Variants in ZSWIM6 observed in about 807,000 individuals in gnomAD.
ZSWIM6 encodes zinc finger SWIM domain-containing protein 6.
In ZSWIM6, 9 loss-of-function variants were observed where a neutral mutation model predicts 113.2. The ratio of observed to expected loss-of-function variants is 0.08; its 90% confidence interval spans 0.05 to 0.14. The LOEUF (loss-of-function observed/expected upper bound fraction) is 0.14. Ranked by LOEUF, ZSWIM6 falls within the 10% of genes least tolerant of loss-of-function variation. The pLI is 1.00. For synonymous variants in ZSWIM6, 611 were observed against 606.5 expected, an observed-to-expected ratio of 1.01 and a Z score of -0.11; for missense variants, 1,162 against 1,552.2, an observed-to-expected ratio of 0.75 and a Z score of 4.22.
rs957926510 is a variant in ZSWIM6 at position 61,531,406 on chromosome 5, T to G, written c.1985-59T>G. ...ACGGGGAAGTATAAATATTTGTACT[T>G]ATCATATCATCTGCAAAAGTAGTTT... On this transcript the variant is annotated intron_variant, in intron 8 of 13. Coordinates refer to ENST00000252744, the MANE Select transcript of ZSWIM6 (RefSeq NM_020928.2). 7 of 1,504,496 alleles carry G rather than the reference T, an allele frequency of 4.7e-6. No individual in the cohort carries two copies. The African/African-American group carries it at 9.7e-5, about 21-fold the overall frequency. The allele number at this position is 1,504,496 out of a possible 1,614,324, so 93.2% of individuals were successfully genotyped here.
At chr5:61,410,272 G>A (rs1053170496) in intron 1 of ZSWIM6, among the ~76,000 whole-genome samples, 6 of 150,942 alleles carry the variant, frequency 4.0e-5, no homozygotes, top group Admixed American at 2.0e-4. Flanking sequence ...TAAGTGTTCT[G>A]AGTTTGTGAA....
At chr5:61,400,378 T>G (rs1745921411) in intron 1 of ZSWIM6, among the ~76,000 whole-genome samples, 1 of 152,214 alleles carries the variant, frequency 6.6e-6, no homozygotes, top group African/African-American at 2.4e-5. Flanking sequence ...TGTTCCAGTT[T>G]TTCATTGCCA....
At chr5:61,425,104 A>C (rs1746438803) in intron 1 of ZSWIM6, among the ~76,000 whole-genome samples, 1 of 152,166 alleles carries the variant, frequency 6.6e-6, no homozygotes, top group Admixed American at 6.5e-5. Context: ...ATATTAGGGA[A>C]TATCTGGGAA....
chr5:61,465,279 AG>A (rs1486990129), intron 1 of ZSWIM6, among the ~76,000 whole-genome samples: 1 of 152,178 alleles, frequency 6.6e-6, no homozygotes, highest in Non-Finnish European at 1.5e-5. Flanking sequence ...CCAGAATTTG[AG>A]GCTAGACAAT....
intron 1 of ZSWIM6, among the ~76,000 whole-genome samples, chr5:61,397,615 A>AT (rs1294706167): frequency 6.6e-6 from 1 of 152,216 alleles, no homozygotes; most frequent in African/African-American, 2.4e-5. Context: ...GAATTCCAAA[A>AT]GTAGCACACA....
At chr5:61,511,472 T>A (rs1748786160) in intron 4 of ZSWIM6, among the ~76,000 whole-genome samples, 1 of 152,120 alleles carries the variant, frequency 6.6e-6, no homozygotes, top group Non-Finnish European at 1.5e-5. Flanking sequence ...CCTCCCCAAA[T>A]TTTTTATGTT....
intron 1 of ZSWIM6, among the ~76,000 whole-genome samples, chr5:61,437,717 C>CAAAAAAAAAAAAAAAAAAA (rs1177075747): frequency 1.8e-5 from 1 of 56,868 alleles, no homozygotes. Flanking sequence ...ACCCTTTCTC[C>CAAAAAAAAAAAAAAAAAAA]AAAAAAAAAA....
intron 1 of ZSWIM6, chr5:61,375,926 C>A: frequency 1.4e-6 from 1 of 692,694 alleles, no homozygotes; most frequent in Non-Finnish European, 2.4e-6. Flanking sequence ...GTGAAAACTA[C>A]AACATATTTA....
At chr5:61,482,222 G>A (rs188973259) in intron 2 of ZSWIM6, among the ~76,000 whole-genome samples, 162 of 152,240 alleles carry the variant, frequency 1.1e-3, no homozygotes, top group African/African-American at 1.9e-3. Context: ...AGACATGTTA[G>A]GATTTAAATA....
At chr5:61,503,475 C>CAG (rs1748527643) in intron 4 of ZSWIM6, among the ~76,000 whole-genome samples, 1 of 152,168 alleles carries the variant, frequency 6.6e-6, no homozygotes, top group African/African-American at 2.4e-5. Context: ...AAGTAGGAAT[C>CAG]AGAGAGAGAC....
At position 61,539,229 on chromosome 5, in the gene ZSWIM6, T is replaced by C. The variant is rs573322718; in HGVS notation, c.2539+258T>C. Among the ~76,000 whole-genome samples, 81 of 152,302 alleles carry C rather than the reference T, an allele frequency of 5.3e-4. 1 individual carries two copies. The highest frequency in any genetic ancestry group is 3.4e-3 in the Middle Eastern group (1 of 294). On this transcript the variant is annotated intron_variant, in intron 11 of 13. Coordinates refer to ENST00000252744, the MANE Select transcript of ZSWIM6 (RefSeq NM_020928.2). ...TAAATGGTTGAAATTCAGAAGCAGA[T>C]TTACAAGTTGGGTTACATTTTTTTC...
intron 13 of ZSWIM6, among the ~76,000 whole-genome samples, chr5:61,542,365 A>G (rs760418355): frequency 2.0e-5 from 3 of 152,196 alleles, no homozygotes; most frequent in Non-Finnish European, 4.4e-5. Context: ...TGTGTGAGCA[A>G]TTGTAGCTGG....
Position 61,500,534 on chromosome 5 carries a change from G to A in ZSWIM6, c.1333+6124G>A, listed in dbSNP as rs543525911. Among the ~76,000 whole-genome samples, 111 of 152,268 alleles carry A rather than the reference G, an allele frequency of 7.3e-4. 1 individual carries two copies. In the South Asian group the frequency reaches 0.011, roughly 15 times the overall value. On this transcript the variant is annotated intron_variant, in intron 4 of 13. Transcript: ENST00000252744. ...CTAGTGGGGAATAAACCCTGTAAGA[G>A]CTGCCTGGCCTTGTCTGCCTACCCA...
At chr5:61,357,973 A>T (rs1744954051) in intron 1 of ZSWIM6, among the ~76,000 whole-genome samples, 1 of 152,180 alleles carries the variant, frequency 6.6e-6, no homozygotes, top group Non-Finnish European at 1.5e-5. Context: ...CTTATGGCAG[A>T]CGTGGGAAAG....
At chr5:61,352,768 AT>A (rs1351211365) in intron 1 of ZSWIM6, among the ~76,000 whole-genome samples, 2 of 152,256 alleles carry the variant, frequency 1.3e-5, no homozygotes. Context: ...TCTCTAATAC[AT>A]TCTGTTTGGC....
intron 1 of ZSWIM6, among the ~76,000 whole-genome samples, chr5:61,360,633 T>C (rs1048552756): frequency 3.9e-5 from 6 of 152,258 alleles, no homozygotes; most frequent in Non-Finnish European, 7.3e-5. Context: ...AGTGGCTGTT[T>C]CCATTGATTT....
At chr5:61,363,870 T>TTCCC (rs1175467069) in intron 1 of ZSWIM6, among the ~76,000 whole-genome samples, 2 of 110,794 alleles carry the variant, frequency 1.8e-5, no homozygotes, top group Admixed American at 8.8e-5. Context: ...CCTTCCTTCC[T>TTCCC]TCCCTCCTTC....
intron 1 of ZSWIM6, among the ~76,000 whole-genome samples, chr5:61,335,525 T>C (rs568315617): frequency 2.0e-5 from 3 of 152,376 alleles, no homozygotes; most frequent in African/African-American, 4.8e-5. Flanking sequence ...TGAATTGATA[T>C]GCTAACTTGA....
intron 1 of ZSWIM6, among the ~76,000 whole-genome samples, chr5:61,350,410 T>G (rs1261756476): frequency 2.6e-5 from 4 of 152,130 alleles, no homozygotes; most frequent in African/African-American, 9.7e-5. Context: ...AGGTGACCTT[T>G]GGCTTATTTC....
Sources: gnomAD v4.1 joint callset for allele counts (sites outside exome capture counted in the v4.1 genomes callset) on GRCh38, gnomAD v4.1.1 for gene constraint, MANE v1.5 for transcripts, NCBI Gene and HGNC (gene_info 2026-07-23, HGNC 2026-07-21) for gene names.